KLHL25: variants seen among roughly 807,000 people sequenced by gnomAD.
KLHL25 encodes the protein kelch like family member 25, also known as kelch-like protein 25.
In KLHL25, 41 loss-of-function variants were observed where a neutral mutation model predicts 30.0. That is an observed-to-expected ratio of 1.37 (90% CI 1.07 to 1.78). KLHL25 has a LOEUF of 1.78. Among genes scored for constraint, KLHL25 ranks in the 40% most tolerant of loss-of-function variants. KLHL25 has a pLI of 0.00. For missense variants in KLHL25, 971 were observed against 824.5 expected (o/e 1.18, Z -2.18); for synonymous variants, 399 against 355.3 (o/e 1.12, Z -1.38).
At chr15:85,765,817 C>G (rs561699904) in intron 2 of KLHL25, among the ~76,000 whole-genome samples, 4 of 125,418 alleles carry the variant, frequency 3.2e-5, no homozygotes, top group Admixed American at 9.2e-5. Flanking sequence ...GGTGACAGAG[C>G]GAGACTGTCT....
chr15:85,762,680 TG>T (rs1224642650), intron 2 of KLHL25: 1 of 152,418 alleles, frequency 6.6e-6, no homozygotes, highest in African/African-American at 2.4e-5. Context: ...GGTGGGATGC[TG>T]CTCTATCCCC....
rs376208147 is a variant in KLHL25, at chr15:85,769,399, C to T, written c.412G>A (p.Glu138Lys). The T allele has an allele frequency of 5.0e-5, 80 of 1,614,150 alleles. 1 individual carries two copies. The South Asian group carries it at 5.6e-4, about 11-fold the overall frequency. The change falls in exon 2 of 3, where the codon GAG (glutamate) becomes AAG (lysine). Residue 138 changes from glutamate (E) to lysine (K), a missense_variant. By Grantham distance (56) the Glu-to-Lys change is moderately conservative (BLOSUM62 1). Coordinates refer to ENST00000337975, the MANE Select transcript of KLHL25 (RefSeq NM_022480.4). ...GGGAAAAGGTTCTTCTCCAGGAACTCGGCGGCAGCATCCCGCACATCGTGG... is the reference window on the plus strand; with the variant it reads ...GGGAAAAGGTTCTTCTCCAGGAACTTGGCGGCAGCATCCCGCACATCGTGG... ...QFHDVRDAAAEFLEKNLFPSN... is the reference protein window; with the variant it reads ...QFHDVRDAAAKFLEKNLFPSN...
At chr15:85,769,924 C>A in intron 1 of KLHL25, 104 bp from the exon 2 acceptor site, 1 of 889,766 alleles carries the variant, frequency 1.1e-6, no homozygotes, top group Non-Finnish European at 1.7e-6. Context: ...CCCACCCACT[C>A]TCTGCTCACC....
At position 85,768,087 on chromosome 15, in the gene KLHL25, AG is replaced by A; in HGVS notation, c.1723del (p.Ile576SerfsTer120). On this transcript the variant is annotated frameshift_variant, in exon 2 of 3. Coordinates refer to ENST00000337975, the MANE Select transcript of KLHL25 (RefSeq NM_022480.4). LOFTEE classifies it low-confidence loss of function (END_TRUNC). ...GGTGCTGACAAAGGCCGTGGGGATA[AG>A]TGAGTAGGGCACTGTGGTGATGCAG... ...WNCITTVPYS[L>X]IPTAFVSTWK... The A allele has an allele frequency of 6.2e-7, 1 of 1,614,076 alleles. No individual in the cohort carries two copies.
Position 85,765,125 on chromosome 15 carries a change from G to A in KLHL25, c.*24+2892C>T, listed in dbSNP as rs114196603. Among the ~76,000 whole-genome samples the A allele has an allele frequency of 4.6e-3, 699 of 152,330 alleles. 6 individuals carry two copies. Among genetic ancestry groups the A allele is most frequent in the African/African-American group, 0.016 (669 of 41,584 alleles). On this transcript the variant is annotated intron_variant, in intron 2 of 2. Coordinates refer to ENST00000337975, the MANE Select transcript of KLHL25 (RefSeq NM_022480.4). ...TGGTCTCAGCTGCCTGAGGCCAGCA[G>A]CATGGGCCCCCTCACACTGCCCAGC...
rs1421088652 is a variant in KLHL25, at chr15:85,768,285, T to C, written c.1526A>G (p.Tyr509Cys). ...CTGGTTGGTCTCACAGTCAAAGCGG[T>C]AGGCCGAGGCGGCTGTGAATTCCGT... ...GDTEFTAASA[Y>C]RFDCETNQWT... The change falls in exon 2 of 3, where the codon TAC (tyrosine) becomes TGC (cysteine). Residue 509 changes from tyrosine to cysteine, a missense_variant. Tyr to Cys is a radical substitution (Grantham distance 194). Transcript: ENST00000337975. The C allele has an allele frequency of 6.2e-6, 10 of 1,614,046 alleles. No individual in the cohort carries two copies. Among genetic ancestry groups the C allele is most frequent in the Non-Finnish European group, 8.5e-6 (10 of 1,180,034 alleles).
At chr15:85,792,070 G>A (rs537192431) in intron 1 of KLHL25, among the ~76,000 whole-genome samples, 3 of 152,208 alleles carry the variant, frequency 2.0e-5, no homozygotes, top group Non-Finnish European at 4.4e-5. Context: ...AAGATGACAG[G>A]TGTCAGCTTT....
At chr15:85,783,813 C>T (rs1211010136) in intron 1 of KLHL25, among the ~76,000 whole-genome samples, 1 of 152,150 alleles carries the variant, frequency 6.6e-6, no homozygotes, top group Non-Finnish European at 1.5e-5. Context: ...CCTTGGGCAG[C>T]CTACCAGGAA....
Position 85,769,120 on chromosome 15 carries a change from C to T in KLHL25, c.691G>A (p.Glu231Lys), listed in dbSNP as rs779814173. The change falls in exon 2 of 3, where the codon GAG becomes AAG. Residue 231 changes from glutamate (E) to lysine (K), a missense_variant. Glu to Lys is a moderately conservative substitution (Grantham distance 56). Coordinates refer to ENST00000337975, the MANE Select transcript of KLHL25 (RefSeq NM_022480.4). ...DLEPRKVHLP[E>K]LLRSVRLALL... is the part of the protein sequence containing the mutation. ...GCCAGACGCACGCTGCGGAGGAGCT[C>T]GGGCAAGTGGACCTTCCGTGGCTCC... 1.0e-5 allele frequency: 16 copies of T among 1,606,966 alleles called. No individual in the cohort carries two copies. Among genetic ancestry groups the T allele is most frequent in the African/African-American group, 1.3e-5 (1 of 74,820 alleles).
intron 1 of KLHL25, among the ~76,000 whole-genome samples, chr15:85,778,104 T>G (rs1432804334): frequency 1.3e-5 from 2 of 152,136 alleles, no homozygotes; most frequent in Non-Finnish European, 2.9e-5. Context: ...TGCATCATGG[T>G]TCAGGCGGTA....
Position 85,780,420 on chromosome 15 carries a change from C to T in KLHL25, c.-10-10600G>A, listed in dbSNP as rs548040262. ...GGAGGATTCCCCCTCTATGGCAGGA[C>T]TGGCCTGGCCCTTTGCAAACAGATG... On this transcript the variant is annotated intron_variant, in intron 1 of 2. Coordinates refer to ENST00000337975, the MANE Select transcript of KLHL25 (RefSeq NM_022480.4). Among the ~76,000 whole-genome samples the T allele has an allele frequency of 2.0e-5, 3 of 152,348 alleles. No individual in the cohort carries two copies. The East Asian group carries it at 5.8e-4, about 29-fold the overall frequency.
chr15:85,764,420 G>A (rs1409045720), intron 2 of KLHL25: 1 of 152,724 alleles, frequency 6.5e-6, no homozygotes, highest in African/African-American at 2.4e-5. Flanking sequence ...GCAAGGCAGT[G>A]GCAGAAGCTT....
intron 1 of KLHL25, among the ~76,000 whole-genome samples, chr15:85,780,117 C>T (rs1038805934): frequency 4.6e-5 from 7 of 152,204 alleles, no homozygotes; most frequent in Non-Finnish European, 1.0e-4. Flanking sequence ...CTTCTACCTG[C>T]CACATGCCAA....
At chr15:85,773,125 G>A (rs2089688093) in intron 1 of KLHL25, among the ~76,000 whole-genome samples, 1 of 152,236 alleles carries the variant, frequency 6.6e-6, no homozygotes, top group Non-Finnish European at 1.5e-5. Context: ...TTTGTGTACT[G>A]TCTCCCAAAC....
chr15:85,793,708 C>T (rs2089831718), intron 1 of KLHL25, among the ~76,000 whole-genome samples: 1 of 152,192 alleles, frequency 6.6e-6, no homozygotes, highest in Admixed American at 6.5e-5. Context: ...TCCTTCCCTT[C>T]CTCTCTCTAT....
Position 85,772,194 on chromosome 15 carries a change from A to C in KLHL25, c.-10-2374T>G, listed in dbSNP as rs190721374. ...CTGGTCTGCAGACCGTGCTGGGGGAAACGTGGAGAGCCAAGGACCAGGAAG... is the reference window on the plus strand; with the variant it reads ...CTGGTCTGCAGACCGTGCTGGGGGACACGTGGAGAGCCAAGGACCAGGAAG... On this transcript the variant is annotated intron_variant, in intron 1 of 2. Coordinates refer to ENST00000337975, the MANE Select transcript of KLHL25 (RefSeq NM_022480.4). 5.9e-5 allele frequency among the ~76,000 whole-genome samples: 9 copies of C among 152,212 alleles called. No individual in the cohort carries two copies. The East Asian group carries it at 9.7e-4, about 16-fold the overall frequency.
chr15:85,782,242 G>T (rs893435431), intron 1 of KLHL25, among the ~76,000 whole-genome samples: 3 of 152,020 alleles, frequency 2.0e-5, no homozygotes, highest in African/African-American at 7.2e-5. Flanking sequence ...CACATTTTTA[G>T]CATATGGTTT....
At chr15:85,765,266 G>A (rs773136025) in intron 2 of KLHL25, among the ~76,000 whole-genome samples, 11 of 152,064 alleles carry the variant, frequency 7.2e-5, no homozygotes, top group African/African-American at 9.7e-5. Context: ...GTATCCTCTT[G>A]GAATCTCACT....
At chr15:85,767,032 C>G (rs2089629956) in intron 2 of KLHL25, among the ~76,000 whole-genome samples, 1 of 150,776 alleles carries the variant, frequency 6.6e-6, no homozygotes, top group African/African-American at 2.4e-5. Flanking sequence ...TCACTGTTGC[C>G]CAGGCTGGAG....
Sources: gnomAD v4.1 joint callset for allele counts (sites outside exome capture counted in the v4.1 genomes callset) on GRCh38, gnomAD v4.1.1 for gene constraint, MANE v1.5 for transcripts, NCBI Gene and HGNC (gene_info 2026-07-23, HGNC 2026-07-21) for gene names.